The following MINDY1 variants were observed in gnomAD, a reference collection of about 807,000 sequenced individuals.
The protein encoded by MINDY1 is ubiquitin carboxyl-terminal hydrolase MINDY-1.
Under a neutral mutation model 53.6 loss-of-function variants are expected in MINDY1, and 50 were observed. The ratio of observed to expected loss-of-function variants is 0.93; its 90% confidence interval spans 0.74 to 1.18. The LOEUF is 1.18. Among genes scored for constraint, MINDY1 ranks in the 50% most tolerant of loss-of-function variants. The pLI is 0.00. For synonymous variants in MINDY1, 231 were observed against 234.7 expected (o/e 0.98, Z 0.14); for missense variants, 484 against 578.6 (o/e 0.84, Z 1.68).
chr1:151,003,156 C>T (rs1488960372), intron 1 of MINDY1, among the ~76,000 whole-genome samples: 7 of 152,148 alleles, frequency 4.6e-5, no homozygotes, highest in Admixed American at 1.3e-4. Flanking sequence ...AGAGATAATT[C>T]CTCTGCCCTA....
chr1:150,997,606 G>A lies in MINDY1; in HGVS notation c.1329+18C>T, dbSNP rs41299641. 6,497 of 1,604,866 alleles carry A rather than the reference G, an allele frequency of 4.0e-3. 14 individuals carry two copies. The highest frequency in any genetic ancestry group is 4.9e-3 in the Non-Finnish European group (5,834 of 1,179,938). Reference sequence around the variant, plus strand: ...TGAGGTGGAAACCGGGAGTGTGGGCGCCCAGGCAGCAGCCCACCTGCAGTG... The same window carrying A: ...TGAGGTGGAAACCGGGAGTGTGGGCACCCAGGCAGCAGCCCACCTGCAGTG... On this transcript the variant is annotated intron_variant, in intron 9 of 9. Coordinates refer to ENST00000683666, the MANE Select transcript of MINDY1 (RefSeq NM_001376665.1).
chr1:151,002,624 A>G lies in MINDY1; in HGVS notation c.-7T>C. On this transcript the variant is annotated 5_prime_UTR_variant, in exon 2 of 10. Transcript: ENST00000683666. This position sits in a 1 kb window ranked among gnomAD's most constrained non-coding sequence, Gnocchi z 4.1. ...CAGGCTGATGGTATTCCATGGTCAA[A>G]AGGGACTTGGCTGAGGGGCACTGAA... The G allele has an allele frequency of 1.9e-6, 3 of 1,614,044 alleles. No homozygotes were observed. Among genetic ancestry groups the G allele is most frequent in the Non-Finnish European group, 1.7e-6 (2 of 1,179,950 alleles).
rs1324622310 is a variant in MINDY1 at position 150,999,707 on chromosome 1, G to A, written c.838+155C>T. Among the ~76,000 whole-genome samples, 4 of 152,040 alleles carry A rather than the reference G, an allele frequency of 2.6e-5. No homozygotes were observed. The highest frequency in any genetic ancestry group is 9.7e-5 in the African/African-American group (4 of 41,374). On this transcript the variant is annotated intron_variant, in intron 6 of 9. Coordinates refer to ENST00000683666, the MANE Select transcript of MINDY1 (RefSeq NM_001376665.1). The surrounding 1 kb of genome is among the most constrained non-coding windows in gnomAD (Gnocchi z 4.4). ...GCAGCTACCTTGTGCCAGGCACTGG[G>A]GATACCTCAATGAACTAAACAGAAA...
chr1:151,001,810 G>A, intron 2 of MINDY1, 28 bp from the exon 3 acceptor site: 1 of 1,574,470 alleles, frequency 6.4e-7, no homozygotes, highest in Non-Finnish European at 8.6e-7. Context: ...GATCACGTGT[G>A]TGCTTTCCTC....
intron 3 of MINDY1, 38 bp downstream of exon 3, chr1:151,001,687 C>A (rs765642105): frequency 1.2e-6 from 2 of 1,607,218 alleles, no homozygotes; most frequent in Non-Finnish European, 1.7e-6. Context: ...AGCTCTGGAG[C>A]CCCTTGGGTA....
At chr1:151,000,075 C>A in intron 5 of MINDY1, 111 bp from the exon 6 acceptor site, 1 of 715,430 alleles carries the variant, frequency 1.4e-6, no homozygotes, top group South Asian at 2.0e-5. Context: ...ATGAATGGTT[C>A]CTAAACACTT....
chr1:151,003,094 CT>C, intron 1 of MINDY1: 1 of 487,686 alleles, frequency 2.1e-6, no homozygotes, highest in Non-Finnish European at 2.8e-6. Flanking sequence ...ATATGATGAT[CT>C]TTAGCTTACT....
intron 1 of MINDY1, among the ~76,000 whole-genome samples, chr1:151,005,928 G>A (rs116471628): frequency 0.019 from 2,843 of 152,300 alleles, 81 homozygotes; most frequent in African/African-American, 0.061. Flanking sequence ...GAAGAAGCAC[G>A]TAAAACAGGT....
In MINDY1 at chr1:151,006,424, G is replaced by C; in HGVS notation, c.-202C>G. The C allele has an allele frequency of 7.6e-7, 1 of 1,309,450 alleles. No individual in the cohort carries two copies. The highest frequency in any genetic ancestry group is 3.3e-5 in the Admixed American group (1 of 30,184). 81.1% of individuals were successfully genotyped at this position (1,309,450 alleles called of 1,614,324 possible). On this transcript the variant is annotated 5_prime_UTR_variant, in exon 1 of 10. Transcript: ENST00000683666. ...TGCCAGTGCCAGCTGCCTTCCAGCT[G>C]TCAACGCCTGAGCTTATACAGGTTT...
Position 151,002,732 on chromosome 1 carries a change from G to T in MINDY1, c.-89-26C>A, listed in dbSNP as rs1672725751. The T allele has an allele frequency of 6.5e-7, 1 of 1,543,002 alleles. No individual in the cohort carries two copies. The highest frequency in any genetic ancestry group is 8.7e-7 in the Non-Finnish European group (1 of 1,143,052). On this transcript the variant is annotated intron_variant, in intron 1 of 9. Transcript: ENST00000683666. The surrounding 1 kb of genome is among the most constrained non-coding windows in gnomAD (Gnocchi z 4.1). ...CTGTCCAATAAGAAGGAAATCAGTG[G>T]GCTGGAAAGCAAACTAACCCAGAAA...
rs997454744 is a variant in MINDY1 at position 150,999,825 on chromosome 1, C to T, written c.838+37G>A. The T allele has an allele frequency of 2.6e-6, 4 of 1,567,084 alleles. No homozygotes were observed. The African/African-American group carries it at 4.1e-5, about 16-fold the overall frequency. On this transcript the variant is annotated intron_variant, in intron 6 of 9. Transcript: ENST00000683666. This position sits in a 1 kb window ranked among gnomAD's most constrained non-coding sequence, Gnocchi z 4.4. The stretch of plus-strand genomic sequence containing the variant: ...AATAAGCCTAAGTAGCTGTCATTCC[C>T]TCCACATACTATCCATGAGAAGGGG...
rs1314972524 is a variant in MINDY1, at chr1:150,998,270, G to A, written c.985C>T (p.His329Tyr). ...HFSTMTKHKS[H>Y]LYLLVTDQGF... ...TGGTCAGTGACCAGTAGGTATAAGT[G>A]ACTCTACAAAGAAAAGAACAGAGCT... The change falls in exon 8 of 10, where the codon CAC (histidine) becomes TAC (tyrosine). Residue 329 changes from histidine to tyrosine, a missense_variant. Transcript: ENST00000683666. The A allele has an allele frequency of 4.3e-6, 7 of 1,611,002 alleles. No homozygotes were observed. Among genetic ancestry groups the A allele is most frequent in the Non-Finnish European group, 5.9e-6 (7 of 1,178,936 alleles).
In MINDY1 at chr1:151,001,666, G is replaced by A. The variant is rs1672586953; in HGVS notation, c.511+59C>T. ...GATCCCTGAATAGTCTGGATTTCTGGCTGAGTGGATAGCTCTGGAGCCCCT... is the reference window on the plus strand; with the variant it reads ...GATCCCTGAATAGTCTGGATTTCTGACTGAGTGGATAGCTCTGGAGCCCCT... On this transcript the variant is annotated intron_variant, in intron 3 of 9. Coordinates refer to ENST00000683666, the MANE Select transcript of MINDY1 (RefSeq NM_001376665.1). 8 of 1,587,786 alleles carry A rather than the reference G, an allele frequency of 5.0e-6. No individual in the cohort carries two copies. In the African/African-American group the frequency reaches 5.4e-5, roughly 11 times the overall value.
At chr1:151,001,435 T>TA (rs1443164514) in intron 3 of MINDY1, 121 bp from the exon 4 acceptor site, 2 of 1,175,372 alleles carry the variant, frequency 1.7e-6, no homozygotes, top group Non-Finnish European at 2.5e-6. Context: ...GGAAAATACT[T>TA]AGAGTCTAAT....
chr1:151,002,456 G>A lies in MINDY1; in HGVS notation c.162C>T (p.Asp54=). 1 of 1,614,154 alleles carries A rather than the reference G, an allele frequency of 6.2e-7. No individual in the cohort carries two copies. The highest frequency in any genetic ancestry group is 8.5e-7 in the Non-Finnish European group (1 of 1,180,038). ...DGEAREREPA[D]QALLPSQCGD... ...CACACTGGCTAGGCAGCAAAGCTTG[G>A]TCTGCTGGCTCCCGTTCTCTAGCCT... The change falls in exon 2 of 10, where the codon GAC becomes GAT. Residue 54 remains aspartate, a synonymous_variant. Transcript: ENST00000683666. This position sits in a 1 kb window ranked among gnomAD's most constrained non-coding sequence, Gnocchi z 4.1.
intron 1 of MINDY1, among the ~76,000 whole-genome samples, chr1:151,005,865 T>G (rs1438115311): frequency 6.6e-6 from 1 of 152,104 alleles, no homozygotes; most frequent in Non-Finnish European, 1.5e-5. Context: ...AGTGAGGGAG[T>G]TAAAATAATC....
Position 151,002,686 on chromosome 1 carries a change from C to A in MINDY1, c.-69G>T. On this transcript the variant is annotated 5_prime_UTR_variant, in exon 2 of 10. Transcript: ENST00000683666. This position sits in a 1 kb window ranked among gnomAD's most constrained non-coding sequence, Gnocchi z 4.1. ...ACCTCAGGGACTTGCCTAAGCCAGG[C>A]TTGGGATGCAAAAGAGTGACCTGTC... is the stretch of plus-strand genomic sequence containing the variant. 6 of 1,609,630 alleles carry A rather than the reference C, an allele frequency of 3.7e-6. No homozygotes were observed. The highest frequency in any genetic ancestry group is 5.1e-6 in the Non-Finnish European group (6 of 1,177,598).
At chr1:151,003,299 G>A (rs1199248755) in intron 1 of MINDY1, among the ~76,000 whole-genome samples, 1 of 152,118 alleles carries the variant, frequency 6.6e-6, no homozygotes, top group Admixed American at 6.5e-5. Flanking sequence ...AATGGAGGAG[G>A]CACAGAGAGT....
intron 5 of MINDY1, 31 bp downstream of exon 5, chr1:151,000,426 A>C: frequency 6.4e-7 from 1 of 1,561,946 alleles, no homozygotes; most frequent in Non-Finnish European, 8.7e-7. Context: ...CTTGAGCTGG[A>C]TAAGGTCCCA....
Sources: allele counts gnomAD v4.1 joint callset (sites outside exome capture counted in the v4.1 genomes callset), GRCh38; gene constraint gnomAD v4.1.1; non-coding constraint Gnocchi (gnomAD v3.1); transcripts MANE v1.5; gene names NCBI Gene and HGNC (gene_info 2026-07-23, HGNC 2026-07-21).